Variants in MYH7B observed in about 807,000 individuals in gnomAD.
MYH7B encodes the protein myosin heavy chain 7B, also known as myosin-7B.
Under a neutral mutation model 234.5 loss-of-function variants are expected in MYH7B, and 205 were observed. That is an observed-to-expected ratio of 0.87 (90% CI 0.78 to 0.98). The LOEUF is 0.98. Ranked by LOEUF, MYH7B falls within the 50% of genes least tolerant of loss-of-function variation. The pLI is 0.00. For synonymous variants in MYH7B, 1,193 were observed against 1,105.0 expected (o/e 1.08, Z -1.58); for missense variants, 2,652 against 2,633.4 (o/e 1.01, Z -0.15).
chr20:34,959,331 T>C (rs2081669937), intron 2 of MYH7B, among the ~76,000 whole-genome samples: 1 of 152,198 alleles, frequency 6.6e-6, no homozygotes, highest in Non-Finnish European at 1.5e-5. Context: ...TGTAGTGGAC[T>C]GTAGGGAACC....
chr20:34,997,622 G>C (rs536392867), exon 32 of MYH7B: 1 of 1,613,564 alleles, frequency 6.2e-7, no homozygotes, highest in South Asian at 1.1e-5. Context: ...CCAACGTGGA[G>C]ACTCTGACCC....
At chr20:34,982,627 T>C in intron 10 of MYH7B, 72 bp downstream of exon 10, 1 of 1,325,338 alleles carries the variant, frequency 7.5e-7, no homozygotes, top group Non-Finnish European at 1.0e-6. Context: ...CCTCTCTTTT[T>C]TTTTTTTCCC....
exon 19 of MYH7B, chr20:34,988,182 G>A (rs749229876): frequency 2.5e-6 from 4 of 1,614,072 alleles, no homozygotes; most frequent in African/African-American, 1.3e-5. Flanking sequence ...GGAGCAGGAG[G>A]AGTACAAGCG....
chr20:34,997,389 G>A, exon 32 of MYH7B: 1 of 1,511,332 alleles, frequency 6.6e-7, no homozygotes, highest in Non-Finnish European at 8.8e-7. Context: ...CGCATCCGCG[G>A]GGCAGCGCGA....
At chr20:34,977,714 GAGGGCAGGAGGGT>G in intron 4 of MYH7B, 34 bp downstream of exon 4, 1 of 1,508,888 alleles carries the variant, frequency 6.6e-7, no homozygotes, top group Non-Finnish European at 9.0e-7. Context: ...GAGCCGAAGG[GAGGGCAGGAGGGT>G]GGGCGGGTGG....
At chr20:35,001,381 C>A in intron 42 of MYH7B, 32 bp downstream of exon 42, 1 of 1,596,272 alleles carries the variant, frequency 6.3e-7, no homozygotes, top group South Asian at 1.1e-5. Context: ...GGGAGTGGCC[C>A]TGGAGCTGGC....
rs1337240587 is a variant in MYH7B, at chr20:34,999,698, CAG to C, written c.4665+4_4665+5del. 3.1e-6 allele frequency: 5 copies of C among 1,612,436 alleles called. No individual in the cohort carries two copies. Among genetic ancestry groups the C allele is most frequent in the East Asian group, 4.5e-5 (2 of 44,852 alleles). On this transcript the variant is annotated splice_donor_5th_base_variant and intron_variant, in intron 37 of 44. Transcript: ENST00000262873. ...AGGCTGCACTGGAGGAGGCAGAGGT[CAG>C]GGGCTGGCTGCAGGGGTGGGTGGAC...
exon 7 of MYH7B, chr20:34,979,712 G>A (rs757900730): frequency 1.9e-6 from 3 of 1,614,064 alleles, no homozygotes; most frequent in Admixed American, 1.7e-5. Context: ...GCCTCGCTTC[G>A]ACTTACTGGA....
intron 2 of MYH7B, among the ~76,000 whole-genome samples, chr20:34,968,269 G>A (rs2081761214): frequency 6.6e-6 from 1 of 152,258 alleles, no homozygotes; most frequent in Non-Finnish European, 1.5e-5. Context: ...CAAAGCTGAA[G>A]GAGAAACATT....
exon 39 of MYH7B, chr20:35,000,489 G>C: frequency 6.2e-7 from 1 of 1,600,366 alleles, no homozygotes; most frequent in Non-Finnish European, 8.5e-7. Flanking sequence ...GCTCAAGGAG[G>C]AGCAGGCAGG....
Position 34,995,561 on chromosome 20 carries a change from C to CAA in MYH7B, c.2927_2928dup (p.Ala977LysfsTer7). The CAA allele has an allele frequency of 6.2e-7, 1 of 1,613,346 alleles. No individual in the cohort carries two copies. The highest frequency in any genetic ancestry group is 1.7e-5 in the Admixed American group (1 of 60,008). On this transcript the variant is annotated frameshift_variant, in exon 28 of 45. Transcript: ENST00000262873. LOFTEE classifies it high-confidence loss of function. ...ACTGGCCAAAGCTGAGAAGGAGAAG[C>CAA]AAGCCACTGAGAACAAGGTGTGGGC... is the stretch of plus-strand genomic sequence containing the variant.
At chr20:34,990,424 T>C (rs2082122142) in intron 22 of MYH7B, 114 bp downstream of exon 22, 2 of 1,094,624 alleles carry the variant, frequency 1.8e-6, no homozygotes, top group Non-Finnish European at 2.8e-6. Flanking sequence ...CTTGCAGTGA[T>C]GTTTAACTCC....
At chr20:35,000,432 C>A (rs962004130) in exon 39 of MYH7B, 1 of 1,601,766 alleles carries the variant, frequency 6.2e-7, no homozygotes, top group Non-Finnish European at 8.5e-7. Context: ...CCATGCCACC[C>A]GTCAGGCCAC....
At chr20:34,960,425 T>C (rs943446128) in intron 2 of MYH7B, among the ~76,000 whole-genome samples, 1 of 152,050 alleles carries the variant, frequency 6.6e-6, no homozygotes, top group Non-Finnish European at 1.5e-5. Context: ...TTAGTAGAGA[T>C]GGGGTTTCAC....
intron 2 of MYH7B, among the ~76,000 whole-genome samples, chr20:34,966,764 TAAG>T (rs2081745474): frequency 6.6e-6 from 1 of 152,092 alleles, no homozygotes; most frequent in Non-Finnish European, 1.5e-5. Context: ...AAATTTTAAT[TAAG>T]AAATGAAATT....
At position 34,986,807 on chromosome 20, in the gene MYH7B, C is replaced by G. The variant is rs753311992; in HGVS notation, c.905-79C>G. 2.5e-6 allele frequency: 3 copies of G among 1,205,322 alleles called. No homozygotes were observed. In the African/African-American group the frequency reaches 4.5e-5, roughly 18 times the overall value. The allele number at this position is 1,205,322 out of a possible 1,614,324, so 74.7% of individuals were successfully genotyped here. A position where few individuals can be genotyped will look rare whatever the true frequency, so the allele number is the denominator to read the frequency against. On this transcript the variant is annotated intron_variant, in intron 14 of 44. Coordinates refer to ENST00000262873, the Ensembl canonical transcript of MYH7B. ...TCCTGCTGGGCTTGCCCCCGCAGGA[C>G]CCCCTATGCTGCAATTGTTGTGGGG...
exon 45 of MYH7B, chr20:35,002,240 C>G: frequency 1.3e-6 from 2 of 1,500,484 alleles, no homozygotes; most frequent in Non-Finnish European, 1.8e-6. Flanking sequence ...GCACATCTGG[C>G]TGAGGCCACC....
intron 2 of MYH7B, among the ~76,000 whole-genome samples, chr20:34,959,304 G>A (rs1407513657): frequency 2.6e-5 from 4 of 152,234 alleles, no homozygotes; most frequent in Non-Finnish European, 5.9e-5. Flanking sequence ...CTCACTCCCT[G>A]GCAAGGATGG....
intron 2 of MYH7B, among the ~76,000 whole-genome samples, chr20:34,969,914 C>T (rs2081777443): frequency 6.6e-6 from 1 of 152,070 alleles, no homozygotes; most frequent in African/African-American, 2.4e-5. Flanking sequence ...TGAGTCTCCA[C>T]TAGTGTCAGG....
Sources: gnomAD v4.1 joint callset for allele counts (sites outside exome capture counted in the v4.1 genomes callset) on GRCh38, gnomAD v4.1.1 for gene constraint, MANE v1.5 for transcripts, NCBI Gene and HGNC (gene_info 2026-07-23, HGNC 2026-07-21) for gene names.